ROBO3: variants seen among roughly 807,000 people sequenced by gnomAD.
ROBO3 encodes roundabout guidance receptor 3.
In ROBO3, 97 loss-of-function variants were observed where a neutral mutation model predicts 160.5. The observed-to-expected ratio is 0.60, with a 90% CI of 0.51 to 0.72. The LOEUF (loss-of-function observed/expected upper bound fraction) is 0.72, where lower values mean the gene tolerates loss of function less well. Among genes scored for constraint, ROBO3 ranks in the 30% least tolerant of loss-of-function variants. The probability of loss-of-function intolerance (pLI) is 0.00; values close to 1 mark genes in which losing one functional copy is unlikely to be tolerated. For missense variants in ROBO3, 1,858 were observed against 1,846.5 expected (o/e 1.01, Z -0.11); for synonymous variants, 780 against 746.2 (o/e 1.05, Z -0.74).
At position 124,876,888 on chromosome 11, in the gene ROBO3, C is replaced by T; in HGVS notation, c.2780-273C>T. On this transcript the variant is annotated intron_variant, in intron 17 of 27. Coordinates refer to ENST00000397801, the MANE Select transcript of ROBO3 (RefSeq NM_022370.4). This position sits in a 1 kb window ranked among gnomAD's most constrained non-coding sequence, Gnocchi z 5.3. Reference sequence around the variant, plus strand: ...AAAGAAGGCGATCCGAGTTCTGCTACTTCCTAGTAAGGGACGTCTCTGGAG... The same window carrying T: ...AAAGAAGGCGATCCGAGTTCTGCTATTTCCTAGTAAGGGACGTCTCTGGAG... 1 of 581,842 alleles carries T rather than the reference C, an allele frequency of 1.7e-6. No individual in the cohort carries two copies. Among genetic ancestry groups the T allele is most frequent in the South Asian group, 2.2e-5 (1 of 45,392 alleles). 36.0% of individuals were successfully genotyped at this position (581,842 alleles called of 1,614,324 possible).
chr11:124,881,361 C>G lies in ROBO3; in HGVS notation c.*111C>G, dbSNP rs886047915. Reference sequence around the variant, plus strand: ...GCTAGCTGAAGCCCATTGGTTTCCACGATTTCAATTGGCTGAGAAGGCAGA... The same window carrying G: ...GCTAGCTGAAGCCCATTGGTTTCCAGGATTTCAATTGGCTGAGAAGGCAGA... On this transcript the variant is annotated 3_prime_UTR_variant, in exon 28 of 28. Transcript: ENST00000397801. 8.3e-5 allele frequency: 89 copies of G among 1,072,068 alleles called. No homozygotes were observed. The South Asian group carries it at 1.2e-3, about 14-fold the overall frequency. The allele number at this position is 1,072,068 out of a possible 1,614,324, so 66.4% of individuals were successfully genotyped here.
rs528555551 is a variant in ROBO3, at chr11:124,874,744, C to T, written c.1952-44C>T. Reference sequence around the variant, plus strand: ...ACGAGCACACTCTCAGCCCTATCTCCCTGTCCCTGGTGGCCTCTGCTGAAT... The same window carrying T: ...ACGAGCACACTCTCAGCCCTATCTCTCTGTCCCTGGTGGCCTCTGCTGAAT... On this transcript the variant is annotated intron_variant, in intron 12 of 27. Coordinates refer to ENST00000397801, the MANE Select transcript of ROBO3 (RefSeq NM_022370.4). 9.1e-5 allele frequency: 143 copies of T among 1,578,064 alleles called. 2 individuals carry two copies. In the South Asian group the frequency reaches 1.6e-3, roughly 17 times the overall value.
chr11:124,874,026 G>A, intron 11 of ROBO3, 44 bp from the exon 12 acceptor site: 1 of 1,610,934 alleles, frequency 6.2e-7, no homozygotes, highest in East Asian at 2.2e-5. Context: ...GGCAGGTTGG[G>A]AGTTCCTGGC....
In ROBO3 at chr11:124,873,521, T is replaced by A; in HGVS notation, c.1618+130T>A. The A allele has an allele frequency of 9.5e-7, 1 of 1,048,814 alleles. No individual in the cohort carries two copies. The highest frequency in any genetic ancestry group is 2.0e-5 in the Admixed American group (1 of 49,014). 65.0% of individuals were successfully genotyped at this position (1,048,814 alleles called of 1,614,324 possible). A position where few individuals can be genotyped will look rare whatever the true frequency, so the allele number is the denominator to read the frequency against. On this transcript the variant is annotated intron_variant, in intron 10 of 27. Coordinates refer to ENST00000397801, the MANE Select transcript of ROBO3 (RefSeq NM_022370.4). This position sits in a 1 kb window ranked among gnomAD's most constrained non-coding sequence, Gnocchi z 4.5. ...AATGCCATGGTTACGGTGGTGAGGA[T>A]GAGAAGGACAGTAGTGGTACCCATG...
chr11:124,871,340 GATA>G (rs1254155342), intron 7 of ROBO3, among the ~76,000 whole-genome samples: 1 of 152,230 alleles, frequency 6.6e-6, no homozygotes, highest in East Asian at 1.9e-4. Context: ...TTTAATAAAT[GATA>G]ATAATACATT....
rs2135324895 is a variant in ROBO3, at chr11:124,869,118, G to A, written c.477G>A (p.Leu159=). The A allele has an allele frequency of 1.3e-6, 2 of 1,556,236 alleles. No individual in the cohort carries two copies. The highest frequency in any genetic ancestry group is 1.2e-5 in the South Asian group (1 of 80,656). The change falls in exon 2 of 28, where the codon CTG becomes CTA. Residue 159 remains leucine, a synonymous_variant. Transcript: ENST00000397801. This position sits in a 1 kb window ranked among gnomAD's most constrained non-coding sequence, Gnocchi z 4.2. ...LGAAASRNAS[L]EVAVLRDDFR... is the part of the protein sequence containing the mutation. ...CAGCAGCGAGCAGAAACGCCTCGCT[G>A]GAAGTGGCAGGTGAGAGTCAGTTGA...
chr11:124,880,608 G>C lies in ROBO3; in HGVS notation c.4149G>C (p.Glu1383Asp), dbSNP rs529793516. Reference protein sequence around the residue: ...QSQRPGQKRREEPR With the variant: ...QSQRPGQKRRDEPR ...AAAGGCCAGGACAGAAACGCCGAGA[G>C]GTAGGGGCCATAGATTGCAGAAAAA... Residue 1383 changes from glutamate to aspartate, a missense_variant and splice_region_variant, in exon 27 of 28, where the codon GAG becomes GAC. Glu to Asp is a conservative substitution (Grantham distance 45). Coordinates refer to ENST00000397801, the MANE Select transcript of ROBO3 (RefSeq NM_022370.4). The C allele has an allele frequency of 3.2e-6, 5 of 1,539,536 alleles. No individual in the cohort carries two copies. The African/African-American group carries it at 4.1e-5, about 13-fold the overall frequency.
chr11:124,876,811 C>A lies in ROBO3; in HGVS notation c.2780-350C>A. On this transcript the variant is annotated intron_variant, in intron 17 of 27. Coordinates refer to ENST00000397801, the MANE Select transcript of ROBO3 (RefSeq NM_022370.4). The surrounding 1 kb of genome is among the most constrained non-coding windows in gnomAD (Gnocchi z 5.3). ...TGGCAAGAGGGGGTGTGGCCAGGAT[C>A]CCAGGCAGTAAATTGTGCGGCGGGG... The A allele has an allele frequency of 1.9e-6, 1 of 531,508 alleles. No individual in the cohort carries two copies. The highest frequency in any genetic ancestry group is 3.3e-6 in the Non-Finnish European group (1 of 298,910). 32.9% of individuals were successfully genotyped at this position (531,508 alleles called of 1,614,324 possible).
At position 124,876,543 on chromosome 11, in the gene ROBO3, A is replaced by T; in HGVS notation, c.2779+83A>T. ...AGGGGCAGGGGCTTAGCCGCTGGCGAGTGAGGACCGGGTCGGGAGAAAGGG... is the reference window on the plus strand; with the variant it reads ...AGGGGCAGGGGCTTAGCCGCTGGCGTGTGAGGACCGGGTCGGGAGAAAGGG... On this transcript the variant is annotated intron_variant, in intron 17 of 27. Coordinates refer to ENST00000397801, the MANE Select transcript of ROBO3 (RefSeq NM_022370.4). The surrounding 1 kb of genome is among the most constrained non-coding windows in gnomAD (Gnocchi z 5.3). 8.4e-7 allele frequency: 1 copy of T among 1,192,142 alleles called. No homozygotes were observed. The highest frequency in any genetic ancestry group is 1.1e-6 in the Non-Finnish European group (1 of 920,978). The allele number at this position is 1,192,142 out of a possible 1,614,324, so 73.8% of individuals were successfully genotyped here. A position where few individuals can be genotyped will look rare whatever the true frequency, so the allele number is the denominator to read the frequency against.
In ROBO3 at chr11:124,869,257, A is replaced by T. The variant is rs1017993988; in HGVS notation, c.487+129A>T. On this transcript the variant is annotated intron_variant, in intron 2 of 27. Transcript: ENST00000397801. This position sits in a 1 kb window ranked among gnomAD's most constrained non-coding sequence, Gnocchi z 4.2. ...CTCAGCATCCTTCTTTGGGACCGCG[A>T]CCTTTGATCTCTAATGGCCACACCA... The T allele has an allele frequency of 8.6e-7, 1 of 1,165,132 alleles. No homozygotes were observed. Among genetic ancestry groups the T allele is most frequent in the African/African-American group, 1.5e-5 (1 of 65,206 alleles). The allele number at this position is 1,165,132 out of a possible 1,614,324, so 72.2% of individuals were successfully genotyped here.
rs1440660526 is a variant in ROBO3 at position 124,869,932 on chromosome 11, C to A, written c.646-16C>A. The A allele has an allele frequency of 2.7e-5, 42 of 1,583,020 alleles. No individual in the cohort carries two copies. The highest frequency in any genetic ancestry group is 3.6e-5 in the Non-Finnish European group (42 of 1,164,642). On this transcript the variant is annotated splice_polypyrimidine_tract_variant and intron_variant, in intron 3 of 27. Coordinates refer to ENST00000397801, the MANE Select transcript of ROBO3 (RefSeq NM_022370.4). This position sits in a 1 kb window ranked among gnomAD's most constrained non-coding sequence, Gnocchi z 4.2. ...GATAGCTGAAATGGACCAAAGTTACCATTATTGCTCTGCAGATCCGTGGAG... is the reference window on the plus strand; with the variant it reads ...GATAGCTGAAATGGACCAAAGTTACAATTATTGCTCTGCAGATCCGTGGAG...
chr11:124,881,073 CA>C (rs1308721775), intron 27 of ROBO3, among the ~76,000 whole-genome samples, 165 bp from the exon 28 acceptor site: 1 of 151,988 alleles, frequency 6.6e-6, no homozygotes, highest in African/African-American at 2.4e-5. Context: ...AACAGACAAA[CA>C]AAACAAAAGA....
At position 124,873,522 on chromosome 11, in the gene ROBO3, GAGA is replaced by G; in HGVS notation, c.1618+134_1618+136del. ...ATGCCATGGTTACGGTGGTGAGGAT[GAGA>G]AGGACAGTAGTGGTACCCATGGGAG... is the stretch of plus-strand genomic sequence containing the variant. On this transcript the variant is annotated intron_variant, in intron 10 of 27. Transcript: ENST00000397801. The surrounding 1 kb of genome is among the most constrained non-coding windows in gnomAD (Gnocchi z 4.5). 3 of 1,038,924 alleles carry G rather than the reference GAGA, an allele frequency of 2.9e-6. No homozygotes were observed. Among genetic ancestry groups the G allele is most frequent in the South Asian group, 3.0e-5 (2 of 67,370 alleles). The allele number at this position is 1,038,924 out of a possible 1,614,324, so 64.4% of individuals were successfully genotyped here.
intron 20 of ROBO3, 47 bp from the exon 21 acceptor site, chr11:124,877,889 TC>T: frequency 7.4e-7 from 1 of 1,343,294 alleles, no homozygotes; most frequent in South Asian, 1.2e-5. Flanking sequence ...TCTGTTGTCC[TC>T]TATGTTTCTG....
rs1371295041 is a variant in ROBO3, at chr11:124,869,488, G to A, written c.526G>A (p.Val176Met). Residue 176 changes from valine (V) to methionine (M), a missense_variant, in exon 3 of 28, where the codon GTG (valine) becomes ATG (methionine). Coordinates refer to ENST00000397801, the MANE Select transcript of ROBO3 (RefSeq NM_022370.4). The surrounding 1 kb of genome is among the most constrained non-coding windows in gnomAD (Gnocchi z 4.2). ...TTTCCGGCAGTCTCCTGGAAACGTGGTGGTGGCAGTGGGGGAGCCAGCAGT... is the reference window on the plus strand; with the variant it reads ...TTTCCGGCAGTCTCCTGGAAACGTGATGGTGGCAGTGGGGGAGCCAGCAGT... The part of the protein sequence containing the change: ...DDFRQSPGNV[V>M]VAVGEPAVLE... 1 of 1,558,210 alleles carries A rather than the reference G, an allele frequency of 6.4e-7. No homozygotes were observed. Among genetic ancestry groups the A allele is most frequent in the East Asian group, 2.4e-5 (1 of 42,140 alleles).
Position 124,872,775 on chromosome 11 carries a change from G to A in ROBO3, c.1331-109G>A. On this transcript the variant is annotated intron_variant, in intron 8 of 27. Transcript: ENST00000397801. This position sits in a 1 kb window ranked among gnomAD's most constrained non-coding sequence, Gnocchi z 4.3. ...TCAAAGCCCCCTCTGATCACCGGAAGTTTCAGGGGCTGGGGTAGGGAGGGT... is the reference window on the plus strand; with the variant it reads ...TCAAAGCCCCCTCTGATCACCGGAAATTTCAGGGGCTGGGGTAGGGAGGGT... 9.4e-7 allele frequency: 1 copy of A among 1,065,650 alleles called. No homozygotes were observed. The highest frequency in any genetic ancestry group is 1.7e-5 in the South Asian group (1 of 58,702). The allele number at this position is 1,065,650 out of a possible 1,614,324, so 66.0% of individuals were successfully genotyped here.
Position 124,878,605 on chromosome 11 carries a change from C to T in ROBO3, c.3342C>T (p.Cys1114=), listed in dbSNP as rs1272639375. 1.9e-6 allele frequency: 3 copies of T among 1,611,576 alleles called. No individual in the cohort carries two copies. In the South Asian group the frequency reaches 3.3e-5, roughly 18 times the overall value. The change falls in exon 23 of 28, where the codon TGC becomes TGT. Residue 1114 remains cysteine, a synonymous_variant. Coordinates refer to ENST00000397801, the MANE Select transcript of ROBO3 (RefSeq NM_022370.4). The surrounding 1 kb of genome is among the most constrained non-coding windows in gnomAD (Gnocchi z 4.3). ...CCAGCTCAGAGCCAGAGGAGTGGTG[C>T]CCGCCAATGCCTGAGAGAAGTCACC... ...LEGSSEPEEW[C]PPMPERSHLT...
Position 124,872,782 on chromosome 11 carries a change from G to A in ROBO3, c.1331-102G>A. 9.0e-7 allele frequency: 1 copy of A among 1,107,622 alleles called. No individual in the cohort carries two copies. Among genetic ancestry groups the A allele is most frequent in the East Asian group, 2.6e-5 (1 of 38,538 alleles). 68.6% of individuals were successfully genotyped at this position (1,107,622 alleles called of 1,614,324 possible). On this transcript the variant is annotated intron_variant, in intron 8 of 27. Transcript: ENST00000397801. The surrounding 1 kb of genome is among the most constrained non-coding windows in gnomAD (Gnocchi z 4.3). Reference sequence around the variant, plus strand: ...CCCCTCTGATCACCGGAAGTTTCAGGGGCTGGGGTAGGGAGGGTGAAGGAG... The same window carrying A: ...CCCCTCTGATCACCGGAAGTTTCAGAGGCTGGGGTAGGGAGGGTGAAGGAG...
Position 124,872,695 on chromosome 11 carries a change from C to A in ROBO3, c.1330+143C>A. The A allele has an allele frequency of 9.7e-7, 1 of 1,032,448 alleles. No homozygotes were observed. The allele number at this position is 1,032,448 out of a possible 1,614,324, so 64.0% of individuals were successfully genotyped here. ...AGGCATGACCTTGAAGTTTGGAAAC[C>A]AGCAGCAGAAGCCACTAATAATGGC... is the stretch of plus-strand genomic sequence containing the variant. On this transcript the variant is annotated intron_variant, in intron 8 of 27. Transcript: ENST00000397801. The surrounding 1 kb of genome is among the most constrained non-coding windows in gnomAD (Gnocchi z 4.3).
Sources: allele counts gnomAD v4.1 joint callset (sites outside exome capture counted in the v4.1 genomes callset), GRCh38; gene constraint gnomAD v4.1.1; non-coding constraint Gnocchi (gnomAD v3.1); transcripts MANE v1.5; gene names NCBI Gene and HGNC (gene_info 2026-07-23, HGNC 2026-07-21).